Variants in SASH3 observed in about 807,000 individuals in gnomAD.
The protein encoded by SASH3 is SAM and SH3 domain-containing protein 3.
In SASH3, 7 loss-of-function variants were observed where a neutral mutation model predicts 26.1. The observed-to-expected ratio is 0.27, with a 90% CI of 0.15 to 0.50. The LOEUF is 0.50. Ranked by LOEUF, SASH3 falls within the 20% of genes least tolerant of loss-of-function variation. The pLI is 0.98. For synonymous variants in SASH3, 138 were observed against 136.8 expected, an observed-to-expected ratio of 1.01 and a Z score of -0.06; for missense variants, 231 against 318.3, an observed-to-expected ratio of 0.73 and a Z score of 2.09.
rs765254672 is a variant in SASH3, at chrX:129,780,747, C to T, written c.57+593C>T. ...TGGAGATGGGGGCCTGAGGCCATTC[C>T]AGTCTTGGGGGAAAAGGCATCCGGA... On this transcript the variant is annotated intron_variant, in intron 1 of 7. Coordinates refer to ENST00000356892, the MANE Select transcript of SASH3 (RefSeq NM_018990.4). 3.5e-4 allele frequency among the ~76,000 whole-genome samples: 40 copies of T among 113,151 alleles called. No individual in the cohort carries two copies. The Admixed American group carries it at 3.6e-3, about 10-fold the overall frequency.
At chrX:129,791,772 C>T (rs1927236382) in intron 4 of SASH3, among the ~76,000 whole-genome samples, 1 of 112,452 alleles carries the variant, frequency 8.9e-6, no homozygotes, top group African/African-American at 3.2e-5. Flanking sequence ...AAAATGCCCA[C>T]TACTCTGTAC....
chrX:129,781,300 C>T (rs1442519835), intron 1 of SASH3, among the ~76,000 whole-genome samples: 5 of 111,864 alleles, frequency 4.5e-5, no homozygotes, highest in Non-Finnish European at 9.4e-5. Flanking sequence ...TGCCCCAGCT[C>T]TCAGGTCCTG....
At chrX:129,788,392 A>G in intron 2 of SASH3, 39 bp from the exon 3 acceptor site, 2 of 1,204,902 alleles carry the variant, frequency 1.7e-6, no homozygotes, top group Non-Finnish European at 2.2e-6. Context: ...CCTAGGCAGG[A>G]CCACCAGGGT....
At chrX:129,791,180 T>C (rs5932684) in intron 4 of SASH3, 99 bp downstream of exon 4, 1 of 916,691 alleles carries the variant, frequency 1.1e-6, no homozygotes, top group African/African-American at 2.0e-5. Flanking sequence ...GTAAGAGAAA[T>C]GAATGCTTAC....
At position 129,793,094 on chromosome X, in the gene SASH3, C is replaced by T. The variant is rs142835579; in HGVS notation, c.907C>T (p.Arg303Trp). 2 of 1,211,512 alleles carry T rather than the reference C, an allele frequency of 1.7e-6. No individual in the cohort carries two copies. The highest frequency in any genetic ancestry group is 1.1e-6 in the Non-Finnish European group (1 of 895,434). The change falls in exon 7 of 8, where the codon CGG becomes TGG. Residue 303 changes from arginine to tryptophan, a missense_variant. Physicochemically the swap from Arg to Trp is moderately radical, Grantham distance 101. Coordinates refer to ENST00000356892, the MANE Select transcript of SASH3 (RefSeq NM_018990.4). ...NELNIMDPQH[R>W]AKLLTAAELL... ...GCTGAACATCATGGATCCACAGCAC[C>T]GGGCCAAGCTGCTCACGGCCGCCGA...
In SASH3 at chrX:129,794,033, G is replaced by T; in HGVS notation, c.*201G>T. 1 of 414,908 alleles carries T rather than the reference G, an allele frequency of 2.4e-6. No individual in the cohort carries two copies. Among genetic ancestry groups the T allele is most frequent in the South Asian group, 4.8e-5 (1 of 20,683 alleles). The allele number at this position is 414,908 out of a possible 1,213,427, so 34.2% of individuals were successfully genotyped here. A position where few individuals can be genotyped will look rare whatever the true frequency, so the allele number is the denominator to read the frequency against. On this transcript the variant is annotated 3_prime_UTR_variant, in exon 8 of 8. Transcript: ENST00000356892. ...GGAGTGGTTGGGGAGTCGCCCAAGG[G>T]CACATCCCACCTGCCTGAGCCCCGC...
intron 3 of SASH3, among the ~76,000 whole-genome samples, chrX:129,789,168 A>AAAGAAAGAAAGAAAGAAAGAAAGAG (rs1556001597): frequency 1.3e-4 from 7 of 52,323 alleles, no homozygotes; most frequent in South Asian, 8.6e-4. Context: ...AAAGAAAGAG[A>AAAGAAAGAAAGAAAGAAAGAAAGAG]AAAAAAAAAA....
At chrX:129,789,752 G>A (rs1177433176) in intron 3 of SASH3, among the ~76,000 whole-genome samples, 1 of 112,396 alleles carries the variant, frequency 8.9e-6, no homozygotes, top group East Asian at 2.8e-4. Context: ...ATCACACAGT[G>A]GGTTTGGGTT....
At chrX:129,789,169 A>AAGAAAGAAAGAAAGAAAGAGAAAG (rs112301444) in intron 3 of SASH3, among the ~76,000 whole-genome samples, 5 of 36,404 alleles carry the variant, frequency 1.4e-4, no homozygotes, top group African/African-American at 4.4e-4. Flanking sequence ...AAGAAAGAGA[A>AAGAAAGAAAGAAAGAAAGAGAAAG]AAAAAAAAAA....
chrX:129,788,137 G>GGGGGCCGGC, intron 2 of SASH3, 67 bp downstream of exon 2: 1 of 354,277 alleles, frequency 2.8e-6, no homozygotes, highest in Non-Finnish European at 5.4e-6. Context: ...GGGTGGGAGG[G>GGGGGCCGGC]AAGAGGGTGA....
chrX:129,793,528 G>C (rs1455079870), intron 7 of SASH3, 114 bp from the exon 8 acceptor site: 2 of 795,334 alleles, frequency 2.5e-6, no homozygotes. Context: ...TGGAAGCAGT[G>C]AGGAGAGGGG....
chrX:129,782,479 G>A (rs1927035961), intron 1 of SASH3, among the ~76,000 whole-genome samples: 1 of 112,238 alleles, frequency 8.9e-6, no homozygotes, highest in African/African-American at 3.2e-5. Flanking sequence ...CACTCCCCAC[G>A]ACAACCTGGT....
chrX:129,785,199 T>C (rs1927086605), intron 1 of SASH3, among the ~76,000 whole-genome samples: 1 of 110,889 alleles, frequency 9.0e-6, no homozygotes, highest in African/African-American at 3.3e-5. Context: ...CAGTGTATGG[T>C]ACCACCTCCC....
chrX:129,780,287 G>A (rs942086259), intron 1 of SASH3, 133 bp downstream of exon 1: 2 of 535,900 alleles, frequency 3.7e-6, no homozygotes, highest in Non-Finnish European at 6.2e-6. Flanking sequence ...CACCTAGAAG[G>A]CAACGGGACA....
chrX:129,794,369 C>T lies in SASH3; in HGVS notation c.*537C>T, dbSNP rs1927294955. ...ATCCACAGGTACCATTCCCACTTTCCTTCTCCCTAGCTTTCTTAGAGGTTT... is the reference window on the plus strand; with the variant it reads ...ATCCACAGGTACCATTCCCACTTTCTTTCTCCCTAGCTTTCTTAGAGGTTT... On this transcript the variant is annotated 3_prime_UTR_variant, in exon 8 of 8. Transcript: ENST00000356892. 1 of 114,558 alleles carries T rather than the reference C, an allele frequency of 8.7e-6. No individual in the cohort carries two copies. The highest frequency in any genetic ancestry group is 3.2e-5 in the African/African-American group (1 of 30,995). 9.4% of individuals were successfully genotyped at this position (114,558 alleles called of 1,213,427 possible).
intron 1 of SASH3, among the ~76,000 whole-genome samples, chrX:129,784,532 G>A (rs938878905): frequency 9.0e-6 from 1 of 111,481 alleles, no homozygotes; most frequent in Non-Finnish European, 1.9e-5. Flanking sequence ...AGGCGTACTC[G>A]CTCATTTCAT....
At chrX:129,785,931 T>C (rs1249443882) in intron 1 of SASH3, among the ~76,000 whole-genome samples, 6 of 111,944 alleles carry the variant, frequency 5.4e-5, no homozygotes, top group Non-Finnish European at 1.1e-4. Flanking sequence ...GGCAGCTGCA[T>C]CCTAGCCATA....
At chrX:129,785,842 T>C (rs1394066431) in intron 1 of SASH3, among the ~76,000 whole-genome samples, 1 of 112,378 alleles carries the variant, frequency 8.9e-6, no homozygotes, top group Non-Finnish European at 1.9e-5. Flanking sequence ...CAGCCTGCCC[T>C]CCTTGGGCCC....
In SASH3 at chrX:129,794,053, C is replaced by G; in HGVS notation, c.*221C>G. The stretch of plus-strand genomic sequence containing the variant: ...CAAGGGCACATCCCACCTGCCTGAG[C>G]CCCGCCCTCCACCAGCGACTGACAG... On this transcript the variant is annotated 3_prime_UTR_variant, in exon 8 of 8. Coordinates refer to ENST00000356892, the MANE Select transcript of SASH3 (RefSeq NM_018990.4). 2.6e-6 allele frequency: 1 copy of G among 391,629 alleles called. No homozygotes were observed. The highest frequency in any genetic ancestry group is 3.9e-5 in the East Asian group (1 of 25,601). The allele number at this position is 391,629 out of a possible 1,213,427, so 32.3% of individuals were successfully genotyped here. A position where few individuals can be genotyped will look rare whatever the true frequency, so the allele number is the denominator to read the frequency against.
Sources: allele counts gnomAD v4.1 joint callset (sites outside exome capture counted in the v4.1 genomes callset), GRCh38; gene constraint gnomAD v4.1.1; transcripts MANE v1.5; gene names NCBI Gene and HGNC (gene_info 2026-07-23, HGNC 2026-07-21).